CTNNA2: variants seen among roughly 807,000 people sequenced by gnomAD.
The protein encoded by CTNNA2 is catenin alpha 2.
Under a neutral mutation model 101.0 loss-of-function variants are expected in CTNNA2, and 42 were observed. The observed-to-expected ratio is 0.42, with a 90% CI of 0.32 to 0.54. The LOEUF (loss-of-function observed/expected upper bound fraction) is 0.54. CTNNA2 is among the 20% of genes least tolerant of loss of function. CTNNA2 has a pLI of 0.14. For missense variants in CTNNA2, 871 were observed against 1,223.1 expected (o/e 0.71, Z 4.29); for synonymous variants, 450 against 456.4 (o/e 0.99, Z 0.18).
intron 7 of CTNNA2, among the ~76,000 whole-genome samples, chr2:80,123,415 G>A (rs145111055): frequency 2.1e-4 from 31 of 150,932 alleles, no homozygotes; most frequent in African/African-American, 4.9e-4. Context: ...TCCTTAAAGA[G>A]GATGGAGAAC....
At chr2:79,801,986 C>G (rs1403604982) in intron 3 of CTNNA2, among the ~76,000 whole-genome samples, 2 of 110,478 alleles carry the variant, frequency 1.8e-5, no homozygotes, top group African/African-American at 3.9e-5. Context: ...GAGTGAAACT[C>G]TGTCTCAAAA....
chr2:80,173,160 A>G (rs1573297570), intron 7 of CTNNA2, among the ~76,000 whole-genome samples: 1 of 152,200 alleles, frequency 6.6e-6, no homozygotes, highest in East Asian at 1.9e-4. Context: ...TACCACCTTT[A>G]ATGTGTAATG....
chr2:80,039,829 A>G (rs906407890), intron 7 of CTNNA2, among the ~76,000 whole-genome samples: 7 of 152,220 alleles, frequency 4.6e-5, no homozygotes, highest in African/African-American at 1.7e-4. Flanking sequence ...TCAGAAAAAC[A>G]TGTTGGCTTG....
At chr2:80,544,907 A>T in intron 9 of CTNNA2, 75 bp from the exon 10 acceptor site, 1 of 1,230,302 alleles carries the variant, frequency 8.1e-7, no homozygotes, top group Non-Finnish European at 1.1e-6. Flanking sequence ...TCTGCCAGAG[A>T]AGGTCCAAGG....
chr2:79,792,080 T>C (rs1675316563), intron 3 of CTNNA2, among the ~76,000 whole-genome samples: 1 of 152,188 alleles, frequency 6.6e-6, no homozygotes, highest in African/African-American at 2.4e-5. Flanking sequence ...TTAAAAAATA[T>C]ATTTTGAGTT....
At chr2:79,723,082 A>C (rs1686591626) in intron 2 of CTNNA2, among the ~76,000 whole-genome samples, 1 of 152,176 alleles carries the variant, frequency 6.6e-6, no homozygotes, top group Non-Finnish European at 1.5e-5. Flanking sequence ...TTATTTTTTT[A>C]AGTTTTGCTT....
At chr2:80,352,435 T>C (rs970432464) in intron 7 of CTNNA2, among the ~76,000 whole-genome samples, 19 of 152,266 alleles carry the variant, frequency 1.2e-4, no homozygotes, top group African/African-American at 3.6e-4. Context: ...TCAGTATTCA[T>C]ATTAAATGTA....
chr2:79,651,415 C>T, intron 1 of CTNNA2, 137 bp from the exon 2 acceptor site: 2 of 773,782 alleles, frequency 2.6e-6, no homozygotes, highest in South Asian at 3.5e-5. Flanking sequence ...TTTTCCATCT[C>T]TAATTTGACC....
Position 80,648,236 on chromosome 2 carries a change from A to G in CTNNA2, c.*364A>G, listed in dbSNP as rs764720193. ...TGCAAGAATCATTAGGTTGGCAGGT[A>G]TATGCATAAGTGAAAAATCTGGAAG... On this transcript the variant is annotated 3_prime_UTR_variant, in exon 19 of 19. Transcript: ENST00000402739. 10 of 164,314 alleles carry G rather than the reference A, an allele frequency of 6.1e-5. No individual in the cohort carries two copies. Among genetic ancestry groups the G allele is most frequent in the Non-Finnish European group, 1.1e-4 (8 of 75,346 alleles). The allele number at this position is 164,314 out of a possible 1,614,324, so 10.2% of individuals were successfully genotyped here.
chr2:79,465,011 G>T (rs1337383319), intron 4 of CTNNA2, among the ~76,000 whole-genome samples: 4 of 152,048 alleles, frequency 2.6e-5, no homozygotes, highest in African/African-American at 7.2e-5. Flanking sequence ...GTCAATTTTG[G>T]CTTTTGTTGC....
chr2:79,598,205 C>T (rs895201581), intron 1 of CTNNA2, among the ~76,000 whole-genome samples: 26 of 152,332 alleles, frequency 1.7e-4, no homozygotes, highest in African/African-American at 6.0e-4. Flanking sequence ...TTTATCCACT[C>T]ACATAATGAA....
intron 9 of CTNNA2, among the ~76,000 whole-genome samples, chr2:80,441,141 G>T (rs1338085723): frequency 6.6e-6 from 1 of 152,162 alleles, no homozygotes; most frequent in Non-Finnish European, 1.5e-5. Flanking sequence ...AGTACTTGTG[G>T]AAGTAAATCC....
intron 2 of CTNNA2, among the ~76,000 whole-genome samples, chr2:79,275,992 A>G (rs1573014536): frequency 6.6e-6 from 1 of 152,124 alleles, no homozygotes; most frequent in African/African-American, 2.4e-5. Flanking sequence ...TTTAGATGGG[A>G]TAAAGTGAAG....
intron 1 of CTNNA2, among the ~76,000 whole-genome samples, chr2:79,558,898 A>G (rs1181846905): frequency 6.6e-6 from 1 of 151,334 alleles, no homozygotes; most frequent in Admixed American, 6.6e-5. Context: ...GGATAGAGGT[A>G]TTGAATAAAT....
At chr2:80,477,803 T>G (rs1685843436) in intron 9 of CTNNA2, among the ~76,000 whole-genome samples, 1 of 151,800 alleles carries the variant, frequency 6.6e-6, no homozygotes, top group South Asian at 2.1e-4. Flanking sequence ...TCATGGGCAC[T>G]TAGGTTAATT....
At chr2:80,070,092 T>C (rs1698234087) in intron 7 of CTNNA2, among the ~76,000 whole-genome samples, 1 of 152,206 alleles carries the variant, frequency 6.6e-6, no homozygotes, top group Non-Finnish European at 1.5e-5. Context: ...CAGCCAACAC[T>C]GTAACTCCCT....
intron 1 of CTNNA2, among the ~76,000 whole-genome samples, chr2:79,552,834 C>T (rs1489785273): frequency 6.6e-6 from 1 of 152,168 alleles, no homozygotes; most frequent in Non-Finnish European, 1.5e-5. Context: ...GCAGTGGGGC[C>T]CAGGGCCTGA....
chr2:79,495,153 G>T (rs1018804093), intron 4 of CTNNA2, among the ~76,000 whole-genome samples: 2 of 151,950 alleles, frequency 1.3e-5, no homozygotes, highest in Non-Finnish European at 2.9e-5. Flanking sequence ...CAACTTTTGC[G>T]CTGCAAATGA....
chr2:79,638,342 C>T (rs1680219985), intron 1 of CTNNA2, among the ~76,000 whole-genome samples: 1 of 152,038 alleles, frequency 6.6e-6, no homozygotes, highest in South Asian at 2.1e-4. Context: ...CACAGATGAC[C>T]AGAAGGAAAG....
Sources: allele counts gnomAD v4.1 joint callset (sites outside exome capture counted in the v4.1 genomes callset), GRCh38; gene constraint gnomAD v4.1.1; transcripts MANE v1.5; gene names NCBI Gene and HGNC (gene_info 2026-07-23, HGNC 2026-07-21).